PPP2CA: variants seen among roughly 807,000 people sequenced by gnomAD.
The protein encoded by PPP2CA is serine/threonine-protein phosphatase 2A catalytic subunit alpha isoform.
In PPP2CA, 5 loss-of-function variants were observed where a neutral mutation model predicts 38.8. The ratio of observed to expected loss-of-function variants is 0.13; its 90% CI spans 0.07 to 0.27. PPP2CA has a LOEUF of 0.27. Ranked by LOEUF, PPP2CA falls within the 10% of genes least tolerant of loss-of-function variation. The pLI, the probability that PPP2CA is intolerant of heterozygous loss-of-function variation, is 1.00. For synonymous variants in PPP2CA, 152 were observed against 134.0 expected (o/e 1.13, Z -0.93); for missense variants, 88 against 389.7 (o/e 0.23, Z 6.52).
chr5:134,225,396 AG>A (rs1291974737), intron 1 of PPP2CA: 1 of 208,854 alleles, frequency 4.8e-6, no homozygotes, highest in African/African-American at 2.4e-5. Context: ...CCCACCGGAG[AG>A]GCCCAGGCTC....
At chr5:134,200,610 A>C (rs1761949802) in intron 4 of PPP2CA, 114 bp from the exon 5 acceptor site, 5 of 1,161,906 alleles carry the variant, frequency 4.3e-6, no homozygotes, top group Non-Finnish European at 6.1e-6. Flanking sequence ...ATGTTTGTGG[A>C]CAATGCTAAT....
At chr5:134,224,510 A>T (rs1005126017) in intron 1 of PPP2CA, 8 of 343,590 alleles carry the variant, frequency 2.3e-5, no homozygotes, top group African/African-American at 1.7e-4. Flanking sequence ...AATCAGGATA[A>T]TAGTTCTCCA....
In PPP2CA at chr5:134,199,219, A is replaced by T. The variant is rs541888394; in HGVS notation, c.739-15T>A. 6.3e-7 allele frequency: 1 copy of T among 1,585,314 alleles called. No individual in the cohort carries two copies. The highest frequency in any genetic ancestry group is 1.1e-5 in the South Asian group (1 of 90,272). On this transcript the variant is annotated splice_polypyrimidine_tract_variant and intron_variant, in intron 5 of 6. Transcript: ENST00000481195. Reference sequence around the variant, plus strand: ...CAGTTATATCCCTGCAAGGAAAAGGAGACAAAAATCTTACTTTACTCCCTC... The same window carrying T: ...CAGTTATATCCCTGCAAGGAAAAGGTGACAAAAATCTTACTTTACTCCCTC...
chr5:134,194,497 A>G lies in PPP2CA; in HGVS notation c.*3275T>C, dbSNP rs1334028298. The G allele has an allele frequency of 6.6e-6, 1 of 152,290 alleles. No individual in the cohort carries two copies. The highest frequency in any genetic ancestry group is 2.4e-5 in the African/African-American group (1 of 41,460). 9.4% of individuals were successfully genotyped at this position (152,290 alleles called of 1,614,324 possible). On this transcript the variant is annotated 3_prime_UTR_variant, in exon 7 of 7. Transcript: ENST00000481195. ...AGGAATATTTATACTAAACAGGTAAAAGTCACCACTGAAACAGAGAGTCGC... is the reference window on the plus strand; with the variant it reads ...AGGAATATTTATACTAAACAGGTAAGAGTCACCACTGAAACAGAGAGTCGC...
intron 1 of PPP2CA, among the ~76,000 whole-genome samples, chr5:134,218,945 A>C (rs1035013339): frequency 6.6e-6 from 1 of 152,126 alleles, no homozygotes; most frequent in African/African-American, 2.4e-5. Flanking sequence ...CTGGGATTCC[A>C]GGCGTGAGCC....
intron 2 of PPP2CA, 141 bp from the exon 3 acceptor site, chr5:134,202,162 C>T (rs1761981140): frequency 2.6e-6 from 2 of 777,962 alleles, no homozygotes; most frequent in Non-Finnish European, 3.9e-6. Context: ...TGAACCAAAA[C>T]CACAGCTCTA....
chr5:134,201,762 T>TA, intron 3 of PPP2CA, 86 bp downstream of exon 3: 17 of 1,394,480 alleles, frequency 1.2e-5, no homozygotes, highest in Non-Finnish European at 1.7e-5. Flanking sequence ...AAAGGGGTGT[T>TA]AAGAGTGGAA....
At chr5:134,221,962 T>C (rs1424698884) in intron 1 of PPP2CA, among the ~76,000 whole-genome samples, 17 of 136,258 alleles carry the variant, frequency 1.2e-4, no homozygotes, top group African/African-American at 4.9e-4. Context: ...AGTAAGACCT[T>C]ATCTCAAAAA....
At chr5:134,214,379 A>G (rs1232423666) in intron 1 of PPP2CA, among the ~76,000 whole-genome samples, 2 of 152,220 alleles carry the variant, frequency 1.3e-5, no homozygotes, top group African/African-American at 2.4e-5. Context: ...AAATAGACCT[A>G]TACGTGTACA....
At position 134,201,834 on chromosome 5, in the gene PPP2CA, T is replaced by G; in HGVS notation, c.486+14A>C. The G allele has an allele frequency of 6.2e-7, 1 of 1,611,048 alleles. No individual in the cohort carries two copies. Among genetic ancestry groups the G allele is most frequent in the Non-Finnish European group, 8.5e-7 (1 of 1,178,782 alleles). On this transcript the variant is annotated intron_variant, in intron 3 of 6. Transcript: ENST00000481195. ...TCTCTGAAATAATCAGCAATGAGTT[T>G]TAGATCCACATACCTGCCCATCCAC...
intron 1 of PPP2CA, among the ~76,000 whole-genome samples, chr5:134,219,216 T>C (rs1357685036): frequency 6.6e-6 from 1 of 152,196 alleles, no homozygotes; most frequent in Non-Finnish European, 1.5e-5. Flanking sequence ...GTGCTATTAA[T>C]TAGAGCAAAA....
chr5:134,200,235 A>G (rs1761943941), intron 5 of PPP2CA, 100 bp downstream of exon 5: 3 of 1,312,244 alleles, frequency 2.3e-6, no homozygotes, highest in Non-Finnish European at 2.1e-6. Context: ...GAAGGAATAG[A>G]TGGAATTTCT....
intron 1 of PPP2CA, among the ~76,000 whole-genome samples, chr5:134,207,498 C>T (rs1448212694): frequency 2.0e-5 from 3 of 152,124 alleles, no homozygotes; most frequent in Non-Finnish European, 4.4e-5. Flanking sequence ...TTTTAAGCAC[C>T]CCCACCCCTC....
At position 134,195,181 on chromosome 5, in the gene PPP2CA, C is replaced by G. The variant is rs1402959399; in HGVS notation, c.*2591G>C. ...TACTCAACCCAAGACATGAGCACAT[C>G]ATGTACAAATTCATTGTAAACTTAC... On this transcript the variant is annotated 3_prime_UTR_variant, in exon 7 of 7. Coordinates refer to ENST00000481195, the MANE Select transcript of PPP2CA (RefSeq NM_002715.4). The G allele has an allele frequency of 1.3e-5, 2 of 152,184 alleles. No individual in the cohort carries two copies. Among genetic ancestry groups the G allele is most frequent in the African/African-American group, 4.8e-5 (2 of 41,442 alleles). 9.4% of individuals were successfully genotyped at this position (152,184 alleles called of 1,614,324 possible).
At chr5:134,202,194 G>A in intron 2 of PPP2CA, 173 bp from the exon 3 acceptor site, 1 of 579,554 alleles carries the variant, frequency 1.7e-6, no homozygotes, top group Non-Finnish European at 2.9e-6. Flanking sequence ...AATGCCCATG[G>A]GGTGTTTGCC....
intron 2 of PPP2CA, chr5:134,205,674 C>T (rs374179923): frequency 1.9e-5 from 8 of 411,676 alleles, no homozygotes; most frequent in East Asian, 5.0e-5. Context: ...TAAGCCATCA[C>T]GCCCAGCCTA....
chr5:134,208,942 C>A (rs1762142883), intron 1 of PPP2CA, among the ~76,000 whole-genome samples: 2 of 152,140 alleles, frequency 1.3e-5, no homozygotes, highest in Admixed American at 1.3e-4. Context: ...TGACCAATTA[C>A]AATGGCAGAG....
chr5:134,210,346 T>C (rs1762177567), intron 1 of PPP2CA, among the ~76,000 whole-genome samples: 1 of 152,204 alleles, frequency 6.6e-6, no homozygotes, highest in African/African-American at 2.4e-5. Context: ...TTTGAGGTTT[T>C]TTATTTTTAA....
chr5:134,225,668 C>T (rs1265863717), intron 1 of PPP2CA, 92 bp downstream of exon 1: 11 of 1,173,252 alleles, frequency 9.4e-6, no homozygotes, highest in Non-Finnish European at 1.3e-5. Context: ...CCCGGACCGG[C>T]GGCCTCCGCC....
Sources: gnomAD v4.1 joint callset for allele counts (sites outside exome capture counted in the v4.1 genomes callset) on GRCh38, gnomAD v4.1.1 for gene constraint, MANE v1.5 for transcripts, NCBI Gene and HGNC (gene_info 2026-07-23, HGNC 2026-07-21) for gene names.